Variants in PPM1L observed in about 807,000 individuals in gnomAD.
PPM1L encodes the protein protein phosphatase, Mg2+/Mn2+ dependent 1L.
A neutral mutation model predicts 31.4 loss-of-function variants in PPM1L; 13 were observed. The ratio of observed to expected loss-of-function variants is 0.41; its 90% CI spans 0.27 to 0.66. The LOEUF is 0.66. Among genes scored for constraint, PPM1L ranks in the 30% least tolerant of loss-of-function variants. The pLI is 0.29. For synonymous variants in PPM1L, 184 were observed against 175.4 expected (o/e 1.05, Z -0.39); for missense variants, 326 against 453.7 (o/e 0.72, Z 2.56).
chr3:160,789,912 T>TA (rs1352064295), intron 1 of PPM1L, among the ~76,000 whole-genome samples: 1 of 152,116 alleles, frequency 6.6e-6, no homozygotes, highest in Non-Finnish European at 1.5e-5. Context: ...AATTTCCTAA[T>TA]ATAAAGTGGC....
chr3:161,076,900 T>G lies in PPM1L; in HGVS notation c.*7743T>G, dbSNP rs1364590071. The G allele has an allele frequency of 6.6e-6, 1 of 152,238 alleles. No homozygotes were observed. Among genetic ancestry groups the G allele is most frequent in the East Asian group, 1.9e-4 (1 of 5,200 alleles). 9.4% of individuals were successfully genotyped at this position (152,238 alleles called of 1,614,324 possible). On this transcript the variant is annotated 3_prime_UTR_variant, in exon 4 of 4. Transcript: ENST00000498165. ...AAGCATCATTGCATTTATAACAGAT[T>G]GATCAATCTTATGAACAGATTACAT...
intron 1 of PPM1L, among the ~76,000 whole-genome samples, chr3:160,922,876 G>C (rs572346819): frequency 1.3e-5 from 2 of 152,268 alleles, no homozygotes; most frequent in South Asian, 4.1e-4. Context: ...TTCTCATAAA[G>C]GGTATGATAA....
chr3:161,053,131 C>G (rs2108100169), intron 2 of PPM1L, among the ~76,000 whole-genome samples: 1 of 152,278 alleles, frequency 6.6e-6, no homozygotes, highest in Non-Finnish European at 1.5e-5. Context: ...TAGGAAGAAT[C>G]AAAGCAACCA....
At chr3:160,955,298 A>G (rs1715733448) in intron 1 of PPM1L, among the ~76,000 whole-genome samples, 1 of 152,100 alleles carries the variant, frequency 6.6e-6, no homozygotes, top group Non-Finnish European at 1.5e-5. Flanking sequence ...GGTGTGAGCT[A>G]CGGTGCCCAG....
rs77369796 is a variant in PPM1L at position 161,028,498 on chromosome 3, A to C, written c.575-36905A>C. 3.9e-5 allele frequency among the ~76,000 whole-genome samples: 6 copies of C among 152,294 alleles called. No individual in the cohort carries two copies. In the East Asian group the frequency reaches 5.8e-4, roughly 15 times the overall value. Reference sequence around the variant, plus strand: ...AACCCTGGGGAACAGGTAGAAGAAGAAGCTTCTGCAAAGTAGACAGTAAAA... The same window carrying C: ...AACCCTGGGGAACAGGTAGAAGAAGCAGCTTCTGCAAAGTAGACAGTAAAA... On this transcript the variant is annotated intron_variant, in intron 2 of 3. Transcript: ENST00000498165.
chr3:161,049,612 A>G (rs1187413079), intron 2 of PPM1L, among the ~76,000 whole-genome samples: 2 of 152,290 alleles, frequency 1.3e-5, no homozygotes, highest in Non-Finnish European at 2.9e-5. Flanking sequence ...TTCTTATTCC[A>G]TATCTGTAGA....
intron 1 of PPM1L, among the ~76,000 whole-genome samples, chr3:160,888,539 T>TAG (rs1484297955): frequency 6.6e-6 from 1 of 152,178 alleles, no homozygotes; most frequent in Admixed American, 6.5e-5. Flanking sequence ...AACAAGTTCT[T>TAG]AGAGACCTAC....
chr3:160,871,964 C>T (rs1712324544), intron 1 of PPM1L, among the ~76,000 whole-genome samples: 1 of 151,880 alleles, frequency 6.6e-6, no homozygotes, highest in South Asian at 2.1e-4. Context: ...TTTATCTTAT[C>T]CAGCAGTCAT....
chr3:160,799,827 A>C (rs1412203503), intron 1 of PPM1L, among the ~76,000 whole-genome samples: 1 of 151,970 alleles, frequency 6.6e-6, no homozygotes, highest in Non-Finnish European at 1.5e-5. Flanking sequence ...CTATTTTCTG[A>C]TACTTCCCAA....
rs78138570 is a variant in PPM1L at position 160,771,994 on chromosome 3, A to G, written c.399+15287A>G. Among the ~76,000 whole-genome samples, 797 of 152,164 alleles carry G rather than the reference A, an allele frequency of 5.2e-3. 8 individuals are homozygous for G. Among genetic ancestry groups the G allele is most frequent in the African/African-American group, 0.018 (759 of 41,506 alleles). ...TCTGGAACTCTTCTGAGCATCTGAT[A>G]TGGTACCTTCAGGCCTGACCTGTTT... On this transcript the variant is annotated intron_variant, in intron 1 of 3. Coordinates refer to ENST00000498165, the MANE Select transcript of PPM1L (RefSeq NM_139245.4).
intron 1 of PPM1L, among the ~76,000 whole-genome samples, chr3:160,839,990 G>A (rs116125744): frequency 6.6e-6 from 1 of 152,294 alleles, no homozygotes; most frequent in East Asian, 1.9e-4. Context: ...AGTAGGGAGG[G>A]ATAGCCCCAT....
intron 1 of PPM1L, among the ~76,000 whole-genome samples, chr3:160,798,484 G>C (rs976645311): frequency 1.3e-5 from 2 of 152,050 alleles, no homozygotes; most frequent in East Asian, 3.9e-4. Context: ...TAAAAATTTT[G>C]CTAGATCTAG....
chr3:160,949,369 T>C (rs12635022), intron 1 of PPM1L, among the ~76,000 whole-genome samples: 128,346 of 152,218 alleles, frequency 0.84, 54,387 homozygotes, highest in Middle Eastern at 0.92. Flanking sequence ...TATTTGAAAA[T>C]ACATTTTTAT....
intron 1 of PPM1L, among the ~76,000 whole-genome samples, chr3:160,933,355 ATTAAGCC>A (rs1165489663): frequency 1.3e-5 from 2 of 152,212 alleles, no homozygotes; most frequent in African/African-American, 4.8e-5. Context: ...TGTTCACAAA[ATTAAGCC>A]CAATAGAAAA....
chr3:160,827,447 TTGTGTG>T lies in PPM1L; in HGVS notation c.399+70772_399+70777del, dbSNP rs59524935. 9.4e-3 allele frequency among the ~76,000 whole-genome samples: 1,330 copies of T among 141,446 alleles called. 7 individuals are homozygous for T. Among genetic ancestry groups the T allele is most frequent in the Middle Eastern group, 0.033 (9 of 276 alleles). The allele number at this position is 141,446 out of a possible 152,430, so 92.8% of individuals were successfully genotyped here. On this transcript the variant is annotated intron_variant, in intron 1 of 3. Coordinates refer to ENST00000498165, the MANE Select transcript of PPM1L (RefSeq NM_139245.4). ...ATTGGGAAAGTGTTTTGATATAAGT[TTGTGTG>T]TGTGTGTGTGTGTGTGTGTGTGTGT...
intron 1 of PPM1L, among the ~76,000 whole-genome samples, chr3:160,943,674 G>T (rs1474979200): frequency 6.6e-6 from 1 of 152,172 alleles, no homozygotes; most frequent in Non-Finnish European, 1.5e-5. Context: ...ATTTCAAACA[G>T]AATTGGCATT....
chr3:160,850,827 A>C (rs142212433), intron 1 of PPM1L, among the ~76,000 whole-genome samples: 130 of 150,398 alleles, frequency 8.6e-4, no homozygotes, highest in African/African-American at 3.0e-3. Flanking sequence ...CATTGATTCC[A>C]TAGAGGGAGA....
intron 1 of PPM1L, among the ~76,000 whole-genome samples, chr3:160,765,798 T>C (rs763511869): frequency 5.9e-5 from 9 of 152,238 alleles, no homozygotes; most frequent in Non-Finnish European, 1.2e-4. Context: ...TGCATAACTT[T>C]TCTTTATATT....
intron 2 of PPM1L, among the ~76,000 whole-genome samples, chr3:161,040,710 G>A (rs1395184157): frequency 2.0e-5 from 3 of 151,298 alleles, no homozygotes; most frequent in African/African-American, 7.3e-5. Context: ...TTTTTATCTT[G>A]CCCAAATTCC....
Sources: allele counts gnomAD v4.1 joint callset (sites outside exome capture counted in the v4.1 genomes callset), GRCh38; gene constraint gnomAD v4.1.1; transcripts MANE v1.5; gene names NCBI Gene and HGNC (gene_info 2026-07-23, HGNC 2026-07-21).